Variants in PRRC2B observed in about 807,000 individuals in gnomAD.
PRRC2B encodes the protein protein PRRC2B.
In PRRC2B, 68 loss-of-function variants were observed where a neutral mutation model predicts 242.3. The ratio of observed to expected loss-of-function variants is 0.28; its 90% CI spans 0.23 to 0.34. The LOEUF is 0.34. Ranked by LOEUF, PRRC2B falls within the 10% of genes least tolerant of loss-of-function variation. PRRC2B has a pLI of 1.00. For synonymous variants in PRRC2B, 1,228 were observed against 1,173.6 expected (o/e 1.05, Z -0.95); for missense variants, 2,835 against 2,954.8 (o/e 0.96, Z 0.94).
intron 1 of PRRC2B, among the ~76,000 whole-genome samples, chr9:131,382,733 C>T (rs888657515): frequency 6.6e-6 from 1 of 150,998 alleles, no homozygotes; most frequent in African/African-American, 2.4e-5. Context: ...CAACCTTCGT[C>T]TCCCAAGCTC....
chr9:131,459,406 G>A (rs1174561557), intron 11 of PRRC2B, 50 bp downstream of exon 11: 2 of 1,500,316 alleles, frequency 1.3e-6, no homozygotes, highest in Admixed American at 2.2e-5. Flanking sequence ...ATTGAGTTGG[G>A]TGGCTGGGTT....
chr9:131,469,817 T>A (rs1943491170), intron 13 of PRRC2B, among the ~76,000 whole-genome samples: 1 of 152,298 alleles, frequency 6.6e-6, no homozygotes, highest in South Asian at 2.1e-4. Context: ...TTACTGATAA[T>A]TTGTTTACCC....
At chr9:131,422,055 A>T (rs1837857829) in intron 1 of PRRC2B, among the ~76,000 whole-genome samples, 1 of 151,152 alleles carries the variant, frequency 6.6e-6, no homozygotes. Context: ...TCTTTTTTTT[A>T]TTTTTTTATT....
intron 28 of PRRC2B, chr9:131,490,972 G>A (rs1360577745): frequency 7.4e-6 from 2 of 269,606 alleles, no homozygotes; most frequent in East Asian, 8.6e-5. Flanking sequence ...GTGTCCTGCA[G>A]CTGTGTCCAG....
At chr9:131,483,493 C>T (rs1189698234) in intron 23 of PRRC2B, 48 bp downstream of exon 23, 2 of 1,544,902 alleles carry the variant, frequency 1.3e-6, no homozygotes, top group African/African-American at 1.4e-5. Context: ...TTGGGGCTGG[C>T]AGGCCCTGGG....
At chr9:131,413,949 C>T (rs551275631) in intron 1 of PRRC2B, among the ~76,000 whole-genome samples, 14 of 152,282 alleles carry the variant, frequency 9.2e-5, no homozygotes, top group South Asian at 4.1e-4. Context: ...GGATTACAGG[C>T]GTAAGCCACC....
chr9:131,424,090 C>T (rs557149467), intron 1 of PRRC2B, among the ~76,000 whole-genome samples: 7 of 152,280 alleles, frequency 4.6e-5, no homozygotes, highest in African/African-American at 1.4e-4. Flanking sequence ...CGTGCATCAC[C>T]ACGCCCAGCT....
chr9:131,413,543 T>G (rs1837560605), intron 1 of PRRC2B, among the ~76,000 whole-genome samples: 1 of 152,218 alleles, frequency 6.6e-6, no homozygotes, highest in Admixed American at 6.5e-5. Context: ...ACCCAGCTAA[T>G]TTTTAGTGGA....
chr9:131,487,151 G>C lies in PRRC2B; in HGVS notation c.5857-16G>C. The C allele has an allele frequency of 6.2e-7, 1 of 1,612,550 alleles. No individual in the cohort carries two copies. The highest frequency in any genetic ancestry group is 8.5e-7 in the Non-Finnish European group (1 of 1,179,382). On this transcript the variant is annotated splice_polypyrimidine_tract_variant and intron_variant, in intron 26 of 31. Coordinates refer to ENST00000683519, the MANE Select transcript of PRRC2B (RefSeq NM_013318.4). This position sits in a 1 kb window ranked among gnomAD's most constrained non-coding sequence, Gnocchi z 5.3. Reference sequence around the variant, plus strand: ...GCCTTGCGGTTACCTCCCCGACCCCGTTTTCCCGTTCACAGGCCGCCGCTG... The same window carrying C: ...GCCTTGCGGTTACCTCCCCGACCCCCTTTTCCCGTTCACAGGCCGCCGCTG...
chr9:131,392,602 A>T (rs67412421), upstream of PRRC2B, among the ~76,000 whole-genome samples: 15,366 of 152,162 alleles, frequency 0.1, 997 homozygotes, highest in African/African-American at 0.18. Flanking sequence ...TATTGAAGAC[A>T]TTGGCAGGGG....
At chr9:131,393,860 C>T (rs1185818430), upstream of PRRC2B, among the ~76,000 whole-genome samples, 1 of 151,450 alleles carries the variant, frequency 6.6e-6, no homozygotes. Context: ...GGGCCCCTCC[C>T]CACTCCCAGC....
chr9:131,394,461 C>CGCGGGGCCTGGGGGCG (rs1027146130), intron 1 of PRRC2B, among the ~76,000 whole-genome samples, 198 bp downstream of exon 1: 3 of 146,188 alleles, frequency 2.1e-5, no homozygotes, highest in African/African-American at 7.4e-5. Context: ...GCTGGGAGGC[C>CGCGGGGCCTGGGGGCG]GCGGGGCCTG....
chr9:131,470,484 T>G (rs1407380250), intron 13 of PRRC2B, among the ~76,000 whole-genome samples: 1 of 152,148 alleles, frequency 6.6e-6, no homozygotes, highest in Non-Finnish European at 1.5e-5. Flanking sequence ...GAGGCTGCTG[T>G]TCGGTTCCAG....
chr9:131,396,325 C>CTTTTTTTTTTTTTT (rs1165485887), intron 1 of PRRC2B, among the ~76,000 whole-genome samples: 3 of 132,950 alleles, frequency 2.3e-5, no homozygotes, highest in Non-Finnish European at 3.1e-5. Flanking sequence ...CTTTTCTTTT[C>CTTTTTTTTTTTTTT]TTTTTTTTTT....
At chr9:131,397,986 T>G (rs1476788169) in intron 1 of PRRC2B, among the ~76,000 whole-genome samples, 1 of 152,256 alleles carries the variant, frequency 6.6e-6, no homozygotes, top group Non-Finnish European at 1.5e-5. Context: ...TTTAAGATTA[T>G]TTCTGGGACT....
chr9:131,444,035 G>A (rs1838701751), intron 5 of PRRC2B, 150 bp from the exon 6 acceptor site: 4 of 805,496 alleles, frequency 5.0e-6, no homozygotes, highest in South Asian at 1.8e-5. Context: ...CAGCACCCTC[G>A]TGGCATCTGC....
chr9:131,486,236 C>T, intron 26 of PRRC2B, 54 bp downstream of exon 26: 1 of 1,248,194 alleles, frequency 8.0e-7, no homozygotes, highest in Non-Finnish European at 1.2e-6. Flanking sequence ...GGAGCCAGTG[C>T]AGGGCGGAAT....
intron 1 of PRRC2B, among the ~76,000 whole-genome samples, chr9:131,408,220 G>A (rs982774415): frequency 2.6e-5 from 4 of 152,214 alleles, no homozygotes; most frequent in African/African-American, 9.6e-5. Flanking sequence ...GGCCTTGCTG[G>A]TTACTCTGTG....
chr9:131,493,438 G>A lies in PRRC2B; in HGVS notation c.6474-967G>A, dbSNP rs536219041. 3.3e-5 allele frequency among the ~76,000 whole-genome samples: 5 copies of A among 152,338 alleles called. No homozygotes were observed. The South Asian group carries it at 8.3e-4, about 25-fold the overall frequency. ...TGCAGGTCTCAGCAGACGCTGTCCCGCTGCTGCCACAGGCAGATTCCAGCA... is the reference window on the plus strand; with the variant it reads ...TGCAGGTCTCAGCAGACGCTGTCCCACTGCTGCCACAGGCAGATTCCAGCA... On this transcript the variant is annotated intron_variant, in intron 30 of 31. Coordinates refer to ENST00000683519, the MANE Select transcript of PRRC2B (RefSeq NM_013318.4).
Sources: gnomAD v4.1 joint callset for allele counts (sites outside exome capture counted in the v4.1 genomes callset) on GRCh38, gnomAD v4.1.1 for gene constraint, Gnocchi (gnomAD v3.1) non-coding constraint, MANE v1.5 for transcripts, NCBI Gene and HGNC (gene_info 2026-07-23, HGNC 2026-07-21) for gene names.